SSC5D: variants seen among roughly 807,000 people sequenced by gnomAD.
SSC5D encodes scavenger receptor cysteine rich family member with 5 domains.
In SSC5D, 106 loss-of-function variants were observed where a neutral mutation model predicts 104.6. The ratio of observed to expected loss-of-function variants is 1.01; its 90% CI spans 0.87 to 1.19. The LOEUF (loss-of-function observed/expected upper bound fraction) is 1.19. SSC5D is among the 50% of genes most tolerant of loss of function. SSC5D has a pLI of 0.00. For synonymous variants in SSC5D, 860 were observed against 883.5 expected, an observed-to-expected ratio of 0.97 and a Z score of 0.47; for missense variants, 1,993 against 2,153.8, an observed-to-expected ratio of 0.93 and a Z score of 1.48.
Position 55,498,207 on chromosome 19 carries a change from C to A in SSC5D, c.1705+10C>A. The stretch of plus-strand genomic sequence containing the variant: ...GGGGTCACCTGCACTGGTAAGGAGG[C>A]CCTAGCTATCTGTTGACTCCAGGAG... On this transcript the variant is annotated intron_variant, in intron 9 of 13. Transcript: ENST00000389623. 2 of 1,551,504 alleles carry A rather than the reference C, an allele frequency of 1.3e-6. No individual in the cohort carries two copies. Among genetic ancestry groups the A allele is most frequent in the Non-Finnish European group, 1.7e-6 (2 of 1,146,866 alleles).
Position 55,500,286 on chromosome 19 carries a change from T to C in SSC5D, c.2176T>C (p.Ser726Pro), listed in dbSNP as rs575732534. 1 of 1,550,040 alleles carries C rather than the reference T, an allele frequency of 6.5e-7. No individual in the cohort carries two copies. Among genetic ancestry groups the C allele is most frequent in the East Asian group, 2.5e-5 (1 of 40,786 alleles). Residue 726 changes from serine to proline, a missense_variant, in exon 10 of 14, where the codon TCT becomes CCT. Physicochemically the swap from Ser to Pro is moderately conservative, Grantham distance 74 (BLOSUM62 -1). Around this residue, in one of 6 missense-constraint regions of SSC5D, gnomAD observed 1,101 missense variants for 1,085.0 expected, o/e 1.01. Coordinates refer to ENST00000389623, the MANE Select transcript of SSC5D (RefSeq NM_001144950.2). This position sits in a 1 kb window ranked among gnomAD's most constrained non-coding sequence, Gnocchi z 4.6. Reference protein sequence around the residue: ...LTTQGPQEMTSESTIKSIPQA... With the variant: ...LTTQGPQEMTPESTIKSIPQA... ...CACTCAAGGCCCCCAAGAAATGACC[T>C]CTGAGTCCACTATCAAGAGTATCCC...
chr19:55,490,511 C>T, intron 5 of SSC5D, 103 bp downstream of exon 5: 1 of 613,952 alleles, frequency 1.6e-6, no homozygotes, highest in Non-Finnish European at 2.9e-6. Context: ...AGCCGGGGCC[C>T]TGGAGGGATC....
rs907879689 is a variant in SSC5D, at chr19:55,503,192, C to T, written c.2785+1991C>T. ...TTGGGCTCAAGTCATCGGCTTGCTG[C>T]GGCCTCCCAAAGTGCTGGAATTGCA... On this transcript the variant is annotated intron_variant, in intron 12 of 13. Transcript: ENST00000389623. The surrounding 1 kb of genome is among the most constrained non-coding windows in gnomAD (Gnocchi z 4.0). Among the ~76,000 whole-genome samples the T allele has an allele frequency of 2.0e-5, 3 of 152,156 alleles. No homozygotes were observed. Among genetic ancestry groups the T allele is most frequent in the Non-Finnish European group, 2.9e-5 (2 of 68,042 alleles).
intron 13 of SSC5D, among the ~76,000 whole-genome samples, 172 bp downstream of exon 13, chr19:55,513,344 T>A (rs954366491): frequency 6.6e-6 from 1 of 152,150 alleles, no homozygotes; most frequent in Non-Finnish European, 1.5e-5. Context: ...ATCACAGCAC[T>A]TTGGGAGGCC....
Position 55,517,391 on chromosome 19 carries a change from G to A in SSC5D, c.3115G>A (p.Glu1039Lys). The A allele has an allele frequency of 2.6e-6, 4 of 1,550,662 alleles. No individual in the cohort carries two copies. The highest frequency in any genetic ancestry group is 3.5e-6 in the Non-Finnish European group (4 of 1,146,906). Residue 1039 changes from glutamate to lysine, a missense_variant, in exon 14 of 14, where the codon GAG (glutamate) becomes AAG (lysine). This residue lies in a region of SSC5D where 423 missense variants were observed against 409.2 expected (regional missense o/e 1.03). Coordinates refer to ENST00000389623, the MANE Select transcript of SSC5D (RefSeq NM_001144950.2). The part of the protein sequence containing the change: ...ELTPHSALTS[E>K]ATSDAPDTSP... ...CACTCCCCACTCAGCCTTGACGTCC[G>A]AGGCGACCTCTGACGCTCCGGACAC...
Position 55,498,201 on chromosome 19 carries a change from AG to A in SSC5D, c.1705+6del. On this transcript the variant is annotated splice_donor_5th_base_variant and intron_variant, in intron 9 of 13. Coordinates refer to ENST00000389623, the MANE Select transcript of SSC5D (RefSeq NM_001144950.2). ...GATGTTGGGGTCACCTGCACTGGTA[AG>A]GAGGCCCTAGCTATCTGTTGACTCC... 1 of 1,551,620 alleles carries A rather than the reference AG, an allele frequency of 6.4e-7. No individual in the cohort carries two copies. The highest frequency in any genetic ancestry group is 8.7e-7 in the Non-Finnish European group (1 of 1,146,924).
At chr19:55,488,913 T>TGTGC in intron 1 of SSC5D, 93 bp from the exon 2 acceptor site, 1 of 184,520 alleles carries the variant, frequency 5.4e-6, no homozygotes, top group Non-Finnish European at 9.4e-6. Context: ...TGTGTGTGTG[T>TGTGC]GTTGGGGTAT....
chr19:55,501,314 C>T, intron 12 of SSC5D, 113 bp downstream of exon 12: 1 of 1,300,818 alleles, frequency 7.7e-7, no homozygotes, highest in South Asian at 1.6e-5. Flanking sequence ...CTCGGGGCAC[C>T]CTGGAAAGGT....
intron 13 of SSC5D, among the ~76,000 whole-genome samples, chr19:55,516,583 G>C (rs1158795276): frequency 6.6e-6 from 1 of 151,380 alleles, no homozygotes; most frequent in East Asian, 1.9e-4. Context: ...TCCCGTCTTT[G>C]GTTAAAATGT....
At chr19:55,488,807 C>A (rs1987027980) in intron 1 of SSC5D, among the ~76,000 whole-genome samples, 193 bp downstream of exon 1, 1 of 41,700 alleles carries the variant, frequency 2.4e-5, no homozygotes, top group Non-Finnish European at 5.0e-5. Flanking sequence ...GGACCTGCCC[C>A]CTGCCCGCCC....
intron 8 of SSC5D, among the ~76,000 whole-genome samples, chr19:55,496,612 CATGTT>C (rs1987332069): frequency 1.3e-5 from 2 of 152,190 alleles, no homozygotes; most frequent in Non-Finnish European, 2.9e-5. Context: ...GATAGGTCTC[CATGTT>C]ACAGATGAGG....
rs971415051 is a variant in SSC5D, at chr19:55,489,808, C to A, written c.362-74C>A. 3 of 1,491,402 alleles carry A rather than the reference C, an allele frequency of 2.0e-6. No individual in the cohort carries two copies. The African/African-American group carries it at 4.2e-5, about 21-fold the overall frequency. The allele number at this position is 1,491,402 out of a possible 1,614,324, so 92.4% of individuals were successfully genotyped here. On this transcript the variant is annotated intron_variant, in intron 3 of 13. Coordinates refer to ENST00000389623, the MANE Select transcript of SSC5D (RefSeq NM_001144950.2). ...CCCTCCAAAGCCAGGTGGCTAACTCCCTCTTCCAGGGACCCAAATGGCCTG... is the reference window on the plus strand; with the variant it reads ...CCCTCCAAAGCCAGGTGGCTAACTCACTCTTCCAGGGACCCAAATGGCCTG...
At chr19:55,515,508 G>A (rs898538805) in intron 13 of SSC5D, among the ~76,000 whole-genome samples, 12 of 151,840 alleles carry the variant, frequency 7.9e-5, no homozygotes, top group African/African-American at 2.2e-4. Flanking sequence ...CGAAGCGGGC[G>A]GATCACGAGG....
rs967626321 is a variant in SSC5D at position 55,499,845 on chromosome 19, C to T, written c.1735C>T (p.Pro579Ser). The change falls in exon 10 of 14, where the codon CCC becomes TCC. Residue 579 changes from proline (P) to serine (S), a missense_variant. Physicochemically the swap from Pro to Ser is moderately conservative, Grantham distance 74. Coordinates refer to ENST00000389623, the MANE Select transcript of SSC5D (RefSeq NM_001144950.2). ...GPPGLDSISDPFSWSWIPGLG... is the reference protein window; with the variant it reads ...GPPGLDSISDSFSWSWIPGLG... ...CCCAGGCCTGGACTCCATCTCAGAC[C>T]CCTTCAGCTGGAGCTGGATTCCTGG... is the stretch of plus-strand genomic sequence containing the variant. The T allele has an allele frequency of 5.7e-5, 89 of 1,551,366 alleles. No homozygotes were observed. Among genetic ancestry groups the T allele is most frequent in the Non-Finnish European group, 7.1e-5 (81 of 1,146,942 alleles).
chr19:55,518,407 A>AT lies in SSC5D; in HGVS notation c.4132dup (p.Ser1378PhefsTer31). ...CAGCACCTGCCCCTCACACCTCCACATCCCAGATACCCACCTTAGAGCCCT... is the reference window on the plus strand; with the variant it reads ...CAGCACCTGCCCCTCACACCTCCACATTCCCAGATACCCACCTTAGAGCCCT... On this transcript the variant is annotated frameshift_variant, in exon 14 of 14. Transcript: ENST00000389623. LOFTEE classifies it low-confidence loss of function (END_TRUNC). The AT allele has an allele frequency of 6.4e-7, 1 of 1,550,510 alleles. No homozygotes were observed. The highest frequency in any genetic ancestry group is 1.2e-5 in the South Asian group (1 of 84,002).
At chr19:55,494,866 C>G in intron 8 of SSC5D, 83 bp downstream of exon 8, 1 of 1,410,318 alleles carries the variant, frequency 7.1e-7, no homozygotes, top group Non-Finnish European at 9.4e-7. Context: ...TCATGGGGGG[C>G]CTCTTGCAAA....
chr19:55,510,445 T>G (rs1987730900), intron 12 of SSC5D, among the ~76,000 whole-genome samples: 1 of 152,160 alleles, frequency 6.6e-6, no homozygotes, highest in Admixed American at 6.5e-5. Context: ...GCCTCCCAGG[T>G]TCAAGTGATT....
In SSC5D at chr19:55,497,950, G is replaced by C. The variant is rs1351521659; in HGVS notation, c.1458G>C (p.Gln486His). ...GTCGACTGGAGGTGTGGCATGACCA[G>C]CGCTGGGGGACCGTGTGTGACGATA... ...CSGRLEVWHD[Q>H]RWGTVCDDSW... The change falls in exon 9 of 14, where the codon CAG (glutamine) becomes CAC (histidine). Residue 486 changes from glutamine (Q) to histidine (H), a missense_variant. Transcript: ENST00000389623. 1.3e-6 allele frequency: 2 copies of C among 1,551,764 alleles called. No homozygotes were observed. The highest frequency in any genetic ancestry group is 4.9e-5 in the East Asian group (2 of 40,936).
At chr19:55,502,137 G>A (rs533227327) in intron 12 of SSC5D, among the ~76,000 whole-genome samples, 4 of 152,138 alleles carry the variant, frequency 2.6e-5, no homozygotes, top group East Asian at 3.9e-4. Flanking sequence ...GAGCTCAGGC[G>A]ATCCTCCTGT....
Sources: gnomAD v4.1 joint callset for allele counts (sites outside exome capture counted in the v4.1 genomes callset) on GRCh38, gnomAD v4.1.1 for gene constraint, gnomAD v4.1.1 regional missense constraint, Gnocchi (gnomAD v3.1) non-coding constraint, MANE v1.5 for transcripts, NCBI Gene and HGNC (gene_info 2026-07-23, HGNC 2026-07-21) for gene names.